Variants in PCSK5 observed in about 807,000 individuals in gnomAD.
PCSK5 encodes prohormone convertase 5.
Under a neutral mutation model 233.2 loss-of-function variants are expected in PCSK5, and 129 were observed. The ratio of observed to expected loss-of-function variants is 0.55; its 90% CI spans 0.48 to 0.64. PCSK5 has a LOEUF of 0.64. Among genes scored for constraint, PCSK5 ranks in the 30% least tolerant of loss-of-function variants. PCSK5 has a pLI of 0.00. For synonymous variants in PCSK5, 825 were observed against 879.2 expected (o/e 0.94, Z 1.09); for missense variants, 2,076 against 2,430.1 (o/e 0.85, Z 3.06).
chr9:76,270,769 T>C (rs1827487830), intron 24 of PCSK5, among the ~76,000 whole-genome samples: 1 of 152,162 alleles, frequency 6.6e-6, no homozygotes, highest in Admixed American at 6.5e-5. Flanking sequence ...CTGTGTAATA[T>C]GGTCTTTTAA....
At chr9:76,119,276 C>A (rs529714001) in intron 9 of PCSK5, among the ~76,000 whole-genome samples, 16 of 152,178 alleles carry the variant, frequency 1.1e-4, no homozygotes, top group African/African-American at 3.4e-4. Context: ...ATAGTTACAG[C>A]AAATGTTTTT....
At chr9:75,955,653 T>G (rs1825063190) in intron 2 of PCSK5, among the ~76,000 whole-genome samples, 1 of 152,096 alleles carries the variant, frequency 6.6e-6, no homozygotes, top group Admixed American at 6.6e-5. Context: ...AGCTTTTTTT[T>G]TTGTTCCTAT....
chr9:76,201,588 T>C (rs536136797), intron 20 of PCSK5, among the ~76,000 whole-genome samples: 4 of 152,304 alleles, frequency 2.6e-5, no homozygotes, highest in African/African-American at 9.6e-5. Flanking sequence ...TTTTAGCTGG[T>C]GCTGTCAGGT....
chr9:76,184,719 T>C lies in PCSK5; in HGVS notation c.2244T>C (p.Thr748=), dbSNP rs749755571. ...GCAGTGAAAACTGCAAGACATGTAC[T>C]GAATTCCATAACTGTACAGAATGTA... ...RKCSENCKTC[T]EFHNCTECRD... Residue 748 remains threonine, a synonymous_variant, in exon 17 of 38, where the codon ACT becomes ACC. Coordinates refer to ENST00000674117, the MANE Select transcript of PCSK5 (RefSeq NM_001372043.1). The C allele has an allele frequency of 2.5e-6, 4 of 1,610,694 alleles. No individual in the cohort carries two copies. Among genetic ancestry groups the C allele is most frequent in the Non-Finnish European group, 3.4e-6 (4 of 1,177,352 alleles).
chr9:76,301,262 A>T (rs1245179527), intron 27 of PCSK5, among the ~76,000 whole-genome samples: 2 of 128,996 alleles, frequency 1.6e-5, no homozygotes, highest in African/African-American at 5.5e-5. Context: ...ACAGAGCGCG[A>T]CTCTCTCAAA....
chr9:76,153,589 G>T (rs926816690), intron 10 of PCSK5, among the ~76,000 whole-genome samples: 7 of 152,176 alleles, frequency 4.6e-5, no homozygotes, highest in African/African-American at 1.7e-4. Flanking sequence ...TTATGGAATG[G>T]CCGTATCGTA....
intron 16 of PCSK5, among the ~76,000 whole-genome samples, chr9:76,184,121 G>A (rs1823993619): frequency 6.6e-6 from 1 of 152,174 alleles, no homozygotes; most frequent in Non-Finnish European, 1.5e-5. Context: ...GCTGTAAAGT[G>A]CAAGACACTA....
intron 2 of PCSK5, among the ~76,000 whole-genome samples, chr9:75,980,556 T>A (rs1403127369): frequency 1.3e-5 from 2 of 152,200 alleles, no homozygotes; most frequent in African/African-American, 4.8e-5. Flanking sequence ...AAGTAAGGCT[T>A]TATTTGGTTC....
At chr9:76,065,771 G>C (rs1332672574) in intron 5 of PCSK5, among the ~76,000 whole-genome samples, 1 of 151,964 alleles carries the variant, frequency 6.6e-6, no homozygotes, top group Non-Finnish European at 1.5e-5. Flanking sequence ...TTTCCTTCTA[G>C]TAGTTTCATA....
At chr9:76,335,051 C>G (rs1230542794) in intron 34 of PCSK5, among the ~76,000 whole-genome samples, 1 of 152,210 alleles carries the variant, frequency 6.6e-6, no homozygotes, top group Non-Finnish European at 1.5e-5. Flanking sequence ...GCACTCCAGC[C>G]TGGGCAACAG....
intron 7 of PCSK5, among the ~76,000 whole-genome samples, chr9:76,075,989 G>A (rs1236582006): frequency 6.6e-6 from 1 of 152,176 alleles, no homozygotes; most frequent in African/African-American, 2.4e-5. Context: ...TTTCAGCTCA[G>A]GGTAAGTGTA....
intron 35 of PCSK5, among the ~76,000 whole-genome samples, chr9:76,342,887 T>A (rs1265648753): frequency 6.6e-6 from 1 of 152,138 alleles, no homozygotes; most frequent in Non-Finnish European, 1.5e-5. Flanking sequence ...AATCCCCACA[T>A]TCAATTTGTT....
chr9:75,903,460 T>A (rs1000383246), intron 1 of PCSK5, among the ~76,000 whole-genome samples: 1 of 151,238 alleles, frequency 6.6e-6, no homozygotes, highest in Non-Finnish European at 1.5e-5. Context: ...TAGTTAAGAT[T>A]TGAACCTAGT....
chr9:76,171,571 G>T (rs1260060213), intron 13 of PCSK5, among the ~76,000 whole-genome samples: 3 of 152,086 alleles, frequency 2.0e-5, no homozygotes, highest in African/African-American at 7.2e-5. Flanking sequence ...TGCATCTAAG[G>T]GTCAGGGGTC....
chr9:76,167,670 T>C (rs10869716), intron 12 of PCSK5, among the ~76,000 whole-genome samples: 67,086 of 152,014 alleles, frequency 0.44, 15,008 homozygotes, highest in South Asian at 0.55. Flanking sequence ...TTCTAATATA[T>C]TGTTATAAGA....
chr9:76,033,539 T>G (rs1828734592), intron 5 of PCSK5, among the ~76,000 whole-genome samples: 1 of 152,046 alleles, frequency 6.6e-6, no homozygotes, highest in Admixed American at 6.6e-5. Flanking sequence ...CAAGTGTACA[T>G]GTACATTACT....
Position 76,289,469 on chromosome 9 carries a change from CCACACACACACACACA to C in PCSK5, c.3143-2738_3143-2723del, listed in dbSNP as rs201456283. ...TAAGACTCCCTTCCCATTCCCCTCA[CCACACACACACACACA>C]CACACACACACACACACACACACAC... is the stretch of plus-strand genomic sequence containing the variant. On this transcript the variant is annotated intron_variant, in intron 24 of 37. Coordinates refer to ENST00000674117, the MANE Select transcript of PCSK5 (RefSeq NM_001372043.1). Among the ~76,000 whole-genome samples the C allele has an allele frequency of 2.2e-4, 29 of 129,932 alleles. 1 individual carries two copies. Among genetic ancestry groups the C allele is most frequent in the South Asian group, 5.3e-4 (2 of 3,808 alleles). The allele number at this position is 129,932 out of a possible 152,430, so 85.2% of individuals were successfully genotyped here.
intron 3 of PCSK5, among the ~76,000 whole-genome samples, chr9:76,011,573 A>T (rs1249809435): frequency 6.6e-6 from 1 of 152,086 alleles, no homozygotes; most frequent in Non-Finnish European, 1.5e-5. Flanking sequence ...AAGTAGATTT[A>T]TTTTTCTGTG....
At chr9:75,955,180 G>A (rs1484287343) in intron 2 of PCSK5, among the ~76,000 whole-genome samples, 1 of 152,150 alleles carries the variant, frequency 6.6e-6, no homozygotes, top group Admixed American at 6.6e-5. Flanking sequence ...CTCTTTCTAG[G>A]AAACAGACTC....
Sources: allele counts gnomAD v4.1 joint callset (sites outside exome capture counted in the v4.1 genomes callset), GRCh38; gene constraint gnomAD v4.1.1; transcripts MANE v1.5; gene names NCBI Gene and HGNC (gene_info 2026-07-23, HGNC 2026-07-21).